DDX24: variants seen among roughly 807,000 people sequenced by gnomAD.
The protein encoded by DDX24 is ATP-dependent RNA helicase DDX24.
Under a neutral mutation model 68.9 loss-of-function variants are expected in DDX24, and 24 were observed. The observed-to-expected ratio is 0.35, with a 90% CI of 0.25 to 0.49. DDX24 has a LOEUF of 0.49. DDX24 is among the 20% of genes least tolerant of loss of function. DDX24 has a pLI of 0.99. For synonymous variants in DDX24, 395 were observed against 385.2 expected, an observed-to-expected ratio of 1.03 and a Z score of -0.30; for missense variants, 989 against 1,039.0, an observed-to-expected ratio of 0.95 and a Z score of 0.66.
At chr14:94,072,464 G>A (rs1470398780) in intron 2 of DDX24, among the ~76,000 whole-genome samples, 2 of 152,216 alleles carry the variant, frequency 1.3e-5, no homozygotes, top group Non-Finnish European at 2.9e-5. Context: ...GAATGAAAGA[G>A]GGGCAAGGGA....
intron 7 of DDX24, 157 bp from the exon 8 acceptor site, chr14:94,053,284 C>A: frequency 5.7e-6 from 5 of 871,878 alleles, no homozygotes; most frequent in Non-Finnish European, 6.7e-6. Flanking sequence ...GCAGCCTCAA[C>A]CTCCTTGGAT....
chr14:94,051,465 T>C lies in DDX24; in HGVS notation c.2309-3A>G, dbSNP rs757936690. 6.5e-7 allele frequency: 1 copy of C among 1,535,780 alleles called. No individual in the cohort carries two copies. The highest frequency in any genetic ancestry group is 8.7e-7 in the Non-Finnish European group (1 of 1,144,534). On this transcript the variant is annotated splice_polypyrimidine_tract_variant and splice_region_variant and intron_variant, in intron 8 of 8. Transcript: ENST00000621632. ...TTCTTGCTGGTCAGCTTTTCCTCCTTGAAACACAATACAAAAACGATCCTA... is the reference window on the plus strand; with the variant it reads ...TTCTTGCTGGTCAGCTTTTCCTCCTCGAAACACAATACAAAAACGATCCTA...
At chr14:94,057,672 A>G (rs1267476632) in intron 6 of DDX24, 150 bp downstream of exon 6, 2 of 650,798 alleles carry the variant, frequency 3.1e-6, no homozygotes, top group Non-Finnish European at 2.5e-6. Context: ...GCAGTGTTGC[A>G]AAAGTGGGAG....
chr14:94,062,549 G>A lies in DDX24; in HGVS notation c.791C>T (p.Ala264Val), dbSNP rs1885619708. 1.9e-6 allele frequency: 3 copies of A among 1,614,030 alleles called. No individual in the cohort carries two copies. The highest frequency in any genetic ancestry group is 1.3e-5 in the African/African-American group (1 of 74,928). Reference protein sequence around the residue: ...AVLQWQKRNAAPPPSNTEAPP... With the variant: ...AVLQWQKRNAVPPPSNTEAPP... Reference sequence around the variant, plus strand: ...TGCTTCGGTGTTACTTGGAGGAGGGGCAGCATTCCTCTTCTGCCACTGCAA... The same window carrying A: ...TGCTTCGGTGTTACTTGGAGGAGGGACAGCATTCCTCTTCTGCCACTGCAA... The change falls in exon 3 of 9, where the codon GCC becomes GTC. Residue 264 changes from alanine to valine, a missense_variant. Physicochemically the swap from Ala to Val is moderately conservative, Grantham distance 64 (BLOSUM62 0). Around this residue, in one of 3 missense-constraint regions of DDX24, gnomAD observed 691 missense variants for 760.0 expected, o/e 0.91. Transcript: ENST00000621632.
At chr14:94,053,977 GCCAGCTTTCCCAACAATCAA>G (rs2141421381) in intron 7 of DDX24, among the ~76,000 whole-genome samples, 2 of 152,300 alleles carry the variant, frequency 1.3e-5, no homozygotes, top group African/African-American at 4.8e-5. Context: ...AAACACAACT[GCCAGCTTTCCCAACAATCAA>G]CCTGAACAGC....
intron 2 of DDX24, among the ~76,000 whole-genome samples, chr14:94,066,701 T>C (rs773168457): frequency 3.3e-5 from 5 of 152,058 alleles, no homozygotes; most frequent in Non-Finnish European, 5.9e-5. Flanking sequence ...CAGAGCCGGG[T>C]AGATTTGCTG....
intron 7 of DDX24, 150 bp from the exon 8 acceptor site, chr14:94,053,277 G>A: frequency 1.1e-6 from 1 of 893,366 alleles, no homozygotes. Context: ...GCTCACTGCA[G>A]CCTCAACCTC....
intron 8 of DDX24, among the ~76,000 whole-genome samples, chr14:94,052,054 A>T (rs1885397861): frequency 6.6e-6 from 1 of 152,166 alleles, no homozygotes; most frequent in Non-Finnish European, 1.5e-5. Context: ...CCAAGCCCCA[A>T]CCCTGAGCCA....
chr14:94,061,544 A>G (rs561374447), intron 3 of DDX24, among the ~76,000 whole-genome samples: 1 of 152,340 alleles, frequency 6.6e-6, no homozygotes, highest in South Asian at 2.1e-4. Context: ...GGGCTTAGCA[A>G]TAGTAACAAC....
chr14:94,074,849 C>A (rs373477362), intron 2 of DDX24, among the ~76,000 whole-genome samples: 5 of 152,088 alleles, frequency 3.3e-5, no homozygotes, highest in East Asian at 3.9e-4. Context: ...TACAAAAATC[C>A]ATCATATTTC....
chr14:94,052,891 G>A lies in DDX24; in HGVS notation c.2308+107C>T, dbSNP rs932588227. 1.4e-5 allele frequency: 20 copies of A among 1,443,344 alleles called. No homozygotes were observed. In the Admixed American group the frequency reaches 2.5e-4, roughly 18 times the overall value. 89.4% of individuals were successfully genotyped at this position (1,443,344 alleles called of 1,614,324 possible). Reference sequence around the variant, plus strand: ...CCTGTTAGCAAAGAGGGGGAAGGACGCCTTGCTGATTTTGACAAGACCCAC... The same window carrying A: ...CCTGTTAGCAAAGAGGGGGAAGGACACCTTGCTGATTTTGACAAGACCCAC... On this transcript the variant is annotated intron_variant, in intron 8 of 8. Coordinates refer to ENST00000621632, the MANE Select transcript of DDX24 (RefSeq NM_020414.4).
rs2141426944 is a variant in DDX24 at position 94,062,227 on chromosome 14, C to T, written c.1113G>A (p.Gln371=). 1 of 1,614,154 alleles carries T rather than the reference C, an allele frequency of 6.2e-7. No homozygotes were observed. Among genetic ancestry groups the T allele is most frequent in the African/African-American group, 1.3e-5 (1 of 75,034 alleles). Residue 371 remains glutamine, a synonymous_variant, in exon 3 of 9, where the codon CAG becomes CAA. Transcript: ENST00000621632. ...AGGTGGCGCTTTTGTCATCCAACTC[C>T]TGTTTTAGATTTCCAGTCTGCTCTT... is the stretch of plus-strand genomic sequence containing the variant. The part of the protein sequence containing the change: ...LDKEQTGNLK[Q]ELDDKSATCK...
chr14:94,061,364 A>C (rs1476494252), intron 3 of DDX24, among the ~76,000 whole-genome samples: 1 of 152,142 alleles, frequency 6.6e-6, no homozygotes, highest in African/African-American at 2.4e-5. Context: ...GCTCTGGGAA[A>C]ACGGAGCACT....
chr14:94,051,651 G>T (rs1039761954), intron 8 of DDX24, 189 bp from the exon 9 acceptor site: 15 of 605,584 alleles, frequency 2.5e-5, no homozygotes, highest in Admixed American at 1.4e-4. Flanking sequence ...ATTTGCAGGG[G>T]ATACACAGGA....
At chr14:94,080,359 G>A (rs1215494533) in intron 1 of DDX24, among the ~76,000 whole-genome samples, 3 of 152,142 alleles carry the variant, frequency 2.0e-5, no homozygotes, top group Non-Finnish European at 2.9e-5. Context: ...TGGCTTAATG[G>A]CCATTTAGGC....
chr14:94,064,867 T>C (rs1885668457), intron 2 of DDX24, among the ~76,000 whole-genome samples: 1 of 152,272 alleles, frequency 6.6e-6, no homozygotes, highest in South Asian at 2.1e-4. Context: ...TTAGCATCAT[T>C]AATGGGGGCA....
rs996241475 is a variant in DDX24 at position 94,049,052 on chromosome 14, A to T, written c.*2139T>A. 1.3e-5 allele frequency: 2 copies of T among 152,248 alleles called. No homozygotes were observed. Among genetic ancestry groups the T allele is most frequent in the African/African-American group, 2.4e-5 (1 of 41,460 alleles). 9.4% of individuals were successfully genotyped at this position (152,248 alleles called of 1,614,324 possible). A position where few individuals can be genotyped will look rare whatever the true frequency, so the allele number is the denominator to read the frequency against. ...AGGGATATTCCTTGTTTAATGGCAG[A>T]TCCAGGACACTCCGGAAGCTCTGCC... On this transcript the variant is annotated 3_prime_UTR_variant, in exon 9 of 9. Coordinates refer to ENST00000621632, the MANE Select transcript of DDX24 (RefSeq NM_020414.4).
chr14:94,051,081 G>A lies in DDX24; in HGVS notation c.*110C>T. ...GCTATGGGTGTGAGTGGAAGAGAGG[G>A]AGACTTTTTTACCTGGGGTTGGTGG... is the stretch of plus-strand genomic sequence containing the variant. On this transcript the variant is annotated 3_prime_UTR_variant, in exon 9 of 9. Transcript: ENST00000621632. 1.5e-6 allele frequency: 2 copies of A among 1,352,692 alleles called. No individual in the cohort carries two copies. The highest frequency in any genetic ancestry group is 2.7e-5 in the Admixed American group (1 of 37,482). 83.8% of individuals were successfully genotyped at this position (1,352,692 alleles called of 1,614,324 possible).
Position 94,050,875 on chromosome 14 carries a change from A to T in DDX24, c.*316T>A. On this transcript the variant is annotated 3_prime_UTR_variant, in exon 9 of 9. Transcript: ENST00000621632. Reference sequence around the variant, plus strand: ...TGAAACAAACTACACCACCACCCCCATCTTCTATCTAAAAAAAAAAAAAAA... The same window carrying T: ...TGAAACAAACTACACCACCACCCCCTTCTTCTATCTAAAAAAAAAAAAAAA... The T allele has an allele frequency of 3.5e-6, 1 of 283,404 alleles. No individual in the cohort carries two copies. Among genetic ancestry groups the T allele is most frequent in the Non-Finnish European group, 6.4e-6 (1 of 157,218 alleles). 17.6% of individuals were successfully genotyped at this position (283,404 alleles called of 1,614,324 possible). A position where few individuals can be genotyped will look rare whatever the true frequency, so the allele number is the denominator to read the frequency against.
Sources: allele counts gnomAD v4.1 joint callset (sites outside exome capture counted in the v4.1 genomes callset), GRCh38; gene constraint gnomAD v4.1.1; regional missense constraint gnomAD v4.1.1; transcripts MANE v1.5; gene names NCBI Gene and HGNC (gene_info 2026-07-23, HGNC 2026-07-21).